The following FARP1 variants were observed in gnomAD, a reference collection of about 807,000 sequenced individuals.
FARP1 encodes the protein FERM, ARHGEF and pleckstrin domain-containing protein 1.
FARP1 carries 52 observed loss-of-function variants against 128.8 expected under a neutral mutation model. The observed-to-expected ratio is 0.40, with a 90% CI of 0.32 to 0.51. The LOEUF is 0.51. Among genes scored for constraint, FARP1 ranks in the 20% least tolerant of loss-of-function variants. The probability of loss-of-function intolerance (pLI) is 0.45; values close to 1 mark genes in which losing one functional copy is unlikely to be tolerated. For missense variants in FARP1, 1,333 were observed against 1,367.9 expected (o/e 0.97, Z 0.40); for synonymous variants, 580 against 551.8 (o/e 1.05, Z -0.72).
intron 1 of FARP1, among the ~76,000 whole-genome samples, chr13:98,165,939 C>T (rs1594218601): frequency 6.6e-6 from 1 of 151,818 alleles, no homozygotes; most frequent in South Asian, 2.1e-4. Flanking sequence ...AGGCTCGTCT[C>T]GACCTCCTGA....
chr13:98,428,136 G>A (rs1891858223), intron 17 of FARP1, among the ~76,000 whole-genome samples: 2 of 149,330 alleles, frequency 1.3e-5, no homozygotes, highest in African/African-American at 5.0e-5. Context: ...GCACACAGGA[G>A]TGAGGTCACA....
rs1440359326 is a variant in FARP1 at position 98,203,807 on chromosome 13, A to G, written c.-23-9413A>G. ...CCAGGAGAAGGGTTTGCTGGGTTTC[A>G]TGCCAAACTTATGATTACAATTTTA... On this transcript the variant is annotated intron_variant, in intron 1 of 26. Coordinates refer to ENST00000319562, the MANE Select transcript of FARP1 (RefSeq NM_005766.4). 3 of 152,176 alleles carry G rather than the reference A, an allele frequency of 2.0e-5. No individual in the cohort carries two copies. The East Asian group carries it at 5.8e-4, about 29-fold the overall frequency. 9.4% of individuals were successfully genotyped at this position (152,176 alleles called of 1,614,324 possible).
chr13:98,267,379 G>A (rs9556921), intron 2 of FARP1, among the ~76,000 whole-genome samples: 65,821 of 151,962 alleles, frequency 0.43, 15,277 homozygotes, highest in African/African-American at 0.59. Context: ...TTTTCCCTTC[G>A]GTGGTGTTGT....
chr13:98,439,611 C>T (rs567231662), intron 21 of FARP1, among the ~76,000 whole-genome samples: 1 of 152,202 alleles, frequency 6.6e-6, no homozygotes, highest in East Asian at 1.9e-4. Flanking sequence ...GCCACCTCGT[C>T]CTCCCCCGAG....
At chr13:98,315,470 T>C (rs896314229) in intron 2 of FARP1, among the ~76,000 whole-genome samples, 2 of 152,192 alleles carry the variant, frequency 1.3e-5, no homozygotes, top group African/African-American at 4.8e-5. Context: ...CAAGCACTTA[T>C]CTAAATTTTC....
At chr13:98,246,425 C>A (rs930383054) in intron 2 of FARP1, among the ~76,000 whole-genome samples, 3 of 152,002 alleles carry the variant, frequency 2.0e-5, no homozygotes, top group Non-Finnish European at 4.4e-5. Flanking sequence ...ATCTGTAGAT[C>A]AGCAAAAATA....
chr13:98,148,507 C>G (rs919094500), intron 1 of FARP1, among the ~76,000 whole-genome samples: 1 of 152,198 alleles, frequency 6.6e-6, no homozygotes, highest in African/African-American at 2.4e-5. Flanking sequence ...ATTTCTTAAC[C>G]TGCGCCAAAT....
intron 2 of FARP1, among the ~76,000 whole-genome samples, chr13:98,301,016 G>T (rs1173805613): frequency 2.6e-5 from 4 of 152,184 alleles, no homozygotes; most frequent in Non-Finnish European, 5.9e-5. Context: ...TGGGGCCATT[G>T]CGCCATCCAG....
intron 5 of FARP1, among the ~76,000 whole-genome samples, chr13:98,374,970 TATTAGTCTATTC>T: frequency 6.6e-6 from 1 of 152,296 alleles, no homozygotes; most frequent in South Asian, 2.1e-4. Flanking sequence ...CAAGGGAGGT[TATTAGTCTATTC>T]ATAAGGGATC....
intron 13 of FARP1, chr13:98,398,277 C>T (rs558994622): frequency 1.3e-5 from 2 of 152,236 alleles, no homozygotes; most frequent in African/African-American, 4.8e-5. Flanking sequence ...ATTGTTGGAT[C>T]GTTTGAGAGT....
At chr13:98,396,175 G>T in intron 13 of FARP1, 1 of 399,206 alleles carries the variant, frequency 2.5e-6, no homozygotes, top group Non-Finnish European at 4.4e-6. Flanking sequence ...AGCTGCTCCC[G>T]AGGGTAGAAG....
intron 5 of FARP1, among the ~76,000 whole-genome samples, chr13:98,369,642 T>C (rs952043372): frequency 6.6e-5 from 10 of 152,162 alleles, no homozygotes; most frequent in African/African-American, 2.4e-4. Flanking sequence ...TGCGATAGTT[T>C]ACTGAGAATG....
intron 2 of FARP1, among the ~76,000 whole-genome samples, chr13:98,270,211 A>G (rs989449000): frequency 6.6e-6 from 1 of 152,206 alleles, no homozygotes; most frequent in African/African-American, 2.4e-5. Flanking sequence ...TTTCTTGCAC[A>G]TTTGACCATA....
chr13:98,343,905 G>A (rs1298177593), intron 3 of FARP1, 39 bp downstream of exon 3: 2 of 1,319,704 alleles, frequency 1.5e-6, no homozygotes, highest in Admixed American at 1.7e-5. Context: ...TTTACTGTCT[G>A]TTCATCTTGG....
intron 3 of FARP1, among the ~76,000 whole-genome samples, chr13:98,350,223 C>T (rs958497930): frequency 2.0e-5 from 3 of 152,108 alleles, no homozygotes; most frequent in Non-Finnish European, 4.4e-5. Flanking sequence ...AGGACAGGCC[C>T]TTTGGAAAAT....
intron 17 of FARP1, 144 bp from the exon 18 acceptor site, chr13:98,430,899 A>G (rs1387076938): frequency 1.6e-6 from 1 of 639,248 alleles, no homozygotes; most frequent in East Asian, 2.6e-5. Context: ...AGAGTGAACT[A>G]TGAACAATGT....
Position 98,176,078 on chromosome 13 carries a change from C to T in FARP1, c.-24+32586C>T, listed in dbSNP as rs1353409703. The T allele has an allele frequency of 4.3e-6, 5 of 1,165,700 alleles. No individual in the cohort carries two copies. In the East Asian group the frequency reaches 1.2e-4, roughly 27 times the overall value. 72.2% of individuals were successfully genotyped at this position (1,165,700 alleles called of 1,614,324 possible). A position where few individuals can be genotyped will look rare whatever the true frequency, so the allele number is the denominator to read the frequency against. ...CAATTCTTTTGGTTACATACTCAGGCATGGGATTGCAGGAAGACTGTCATC... is the reference window on the plus strand; with the variant it reads ...CAATTCTTTTGGTTACATACTCAGGTATGGGATTGCAGGAAGACTGTCATC... On this transcript the variant is annotated intron_variant, in intron 1 of 26. Coordinates refer to ENST00000319562, the MANE Select transcript of FARP1 (RefSeq NM_005766.4). The surrounding 1 kb of genome is among the most constrained non-coding windows in gnomAD (Gnocchi z 6.2).
At chr13:98,320,714 A>T (rs747338061) in intron 2 of FARP1, among the ~76,000 whole-genome samples, 1 of 152,232 alleles carries the variant, frequency 6.6e-6, no homozygotes. Context: ...TGGTATCTTC[A>T]ACAGTGATCT....
At chr13:98,442,075 CATT>C (rs1193205082) in intron 24 of FARP1, among the ~76,000 whole-genome samples, 1 of 152,242 alleles carries the variant, frequency 6.6e-6, no homozygotes, top group African/African-American at 2.4e-5. Context: ...GGCCATTCAT[CATT>C]GTGATTGTGT....
Sources: allele counts gnomAD v4.1 joint callset (sites outside exome capture counted in the v4.1 genomes callset), GRCh38; gene constraint gnomAD v4.1.1; non-coding constraint Gnocchi (gnomAD v3.1); transcripts MANE v1.5; gene names NCBI Gene and HGNC (gene_info 2026-07-23, HGNC 2026-07-21).